Variants in NAALADL2 observed in about 807,000 individuals in gnomAD.
The protein encoded by NAALADL2 is N-acetylated alpha-linked acidic dipeptidase like 2.
A neutral mutation model predicts 87.2 loss-of-function variants in NAALADL2; 76 were observed. That is an observed-to-expected ratio of 0.87 (90% confidence interval 0.72 to 1.05). The LOEUF is 1.05. NAALADL2 is among the 50% of genes least tolerant of loss of function. NAALADL2 has a pLI of 0.00. For synonymous variants in NAALADL2, 354 were observed against 331.0 expected, an observed-to-expected ratio of 1.07 and a Z score of -0.75; for missense variants, 1,089 against 945.8, an observed-to-expected ratio of 1.15 and a Z score of -1.99.
chr3:174,510,038 G>A (rs1719497489), intron 1 of NAALADL2, among the ~76,000 whole-genome samples: 1 of 151,888 alleles, frequency 6.6e-6, no homozygotes, highest in Non-Finnish European at 1.5e-5. Context: ...TTGTTATGGG[G>A]AATTACATAA....
intron 5 of NAALADL2, among the ~76,000 whole-genome samples, chr3:175,337,840 T>C (rs1157023718): frequency 6.6e-6 from 1 of 152,204 alleles, no homozygotes; most frequent in Non-Finnish European, 1.5e-5. Flanking sequence ...CTGTAGCAAC[T>C]ATTAGATGTT....
In NAALADL2 at chr3:175,567,861, G is replaced by A. The variant is rs557913897; in HGVS notation, c.1654-8180G>A. Among the ~76,000 whole-genome samples the A allele has an allele frequency of 6.8e-4, 104 of 151,926 alleles. 1 individual carries two copies. The highest frequency in any genetic ancestry group is 1.9e-3 in the African/African-American group (78 of 41,474). On this transcript the variant is annotated intron_variant, in intron 9 of 13. Transcript: ENST00000454872. Reference sequence around the variant, plus strand: ...CTCCCGAGTAGCTGGGACTACAGGCGTGTGTCATAACACCCCGCTAATTTT... The same window carrying A: ...CTCCCGAGTAGCTGGGACTACAGGCATGTGTCATAACACCCCGCTAATTTT...
At chr3:175,483,052 C>T (rs2149324028) in intron 9 of NAALADL2, among the ~76,000 whole-genome samples, 1 of 151,998 alleles carries the variant, frequency 6.6e-6, no homozygotes. Context: ...TTCACAAATG[C>T]ACAAAATCAC....
intron 9 of NAALADL2, among the ~76,000 whole-genome samples, chr3:175,495,988 A>G (rs2149356538): frequency 6.6e-6 from 1 of 152,168 alleles, no homozygotes; most frequent in South Asian, 2.1e-4. Context: ...ATGTAACCTA[A>G]TTCATCCCTC....
At chr3:175,693,686 T>C (rs1256118776) in intron 11 of NAALADL2, among the ~76,000 whole-genome samples, 2 of 151,992 alleles carry the variant, frequency 1.3e-5, no homozygotes, top group East Asian at 3.9e-4. Flanking sequence ...ACAGATTTAG[T>C]TTTGTTTGTT....
At chr3:175,576,495 A>T (rs1718912363) in intron 10 of NAALADL2, among the ~76,000 whole-genome samples, 1 of 152,200 alleles carries the variant, frequency 6.6e-6, no homozygotes, top group East Asian at 1.9e-4. Context: ...TTTGGTATTC[A>T]CAGAAACAGA....
At chr3:175,580,998 A>C (rs1719682206) in intron 10 of NAALADL2, among the ~76,000 whole-genome samples, 1 of 152,136 alleles carries the variant, frequency 6.6e-6, no homozygotes, top group Non-Finnish European at 1.5e-5. Context: ...CAATAACTAA[A>C]TTAGTATTAC....
intron 9 of NAALADL2, among the ~76,000 whole-genome samples, chr3:175,477,126 T>C (rs991639767): frequency 6.6e-6 from 1 of 152,108 alleles, no homozygotes; most frequent in African/African-American, 2.4e-5. Flanking sequence ...AGCTGTGTTC[T>C]TGAACACTTG....
At chr3:175,797,756 AC>A (rs1037788746) in intron 13 of NAALADL2, among the ~76,000 whole-genome samples, 12 of 152,116 alleles carry the variant, frequency 7.9e-5, no homozygotes, top group African/African-American at 2.7e-4. Flanking sequence ...TAGTGACATT[AC>A]ATGGGAATTC....
chr3:175,718,127 A>C, intron 11 of NAALADL2: 1 of 1,001,606 alleles, frequency 1.0e-6, no homozygotes, highest in Non-Finnish European at 1.4e-6. Flanking sequence ...AGACGTATCT[A>C]GAAAATTTAC....
At chr3:174,713,673 T>G (rs369795017) in intron 2 of NAALADL2, among the ~76,000 whole-genome samples, 1 of 152,150 alleles carries the variant, frequency 6.6e-6, no homozygotes, top group African/African-American at 2.4e-5. Flanking sequence ...TAAATTTGTT[T>G]GAGTTCATTG....
At chr3:175,251,621 T>C (rs1309282931) in intron 3 of NAALADL2, among the ~76,000 whole-genome samples, 1 of 152,166 alleles carries the variant, frequency 6.6e-6, no homozygotes, top group Non-Finnish European at 1.5e-5. Flanking sequence ...ACAGAATAAA[T>C]GCGGAAAGAA....
At chr3:175,788,026 C>T (rs867072831) in intron 13 of NAALADL2, among the ~76,000 whole-genome samples, 1 of 151,026 alleles carries the variant, frequency 6.6e-6, no homozygotes, top group African/African-American at 2.4e-5. Flanking sequence ...AACAGAGAAA[C>T]TTCCAGTCCT....
chr3:175,126,532 A>G (rs1233476018), intron 2 of NAALADL2, among the ~76,000 whole-genome samples: 2 of 152,150 alleles, frequency 1.3e-5, no homozygotes, highest in Non-Finnish European at 2.9e-5. Context: ...GATATGTTAA[A>G]GGAAAATATA....
chr3:175,323,694 G>T lies in NAALADL2; in HGVS notation c.940-481G>T, dbSNP rs1760263115. Among the ~76,000 whole-genome samples, 4 of 151,498 alleles carry T rather than the reference G, an allele frequency of 2.6e-5. No individual in the cohort carries two copies. The South Asian group carries it at 8.3e-4, about 31-fold the overall frequency. On this transcript the variant is annotated intron_variant, in intron 4 of 13. Transcript: ENST00000454872. ...AAAGGCCAGTAGAAAAAGCTTCTGG[G>T]CTTGATAGAAATCTAAAATCTCTGC... is the stretch of plus-strand genomic sequence containing the variant.
intron 3 of NAALADL2, among the ~76,000 whole-genome samples, chr3:174,828,174 C>CACAACACAAT (rs1722212098): frequency 6.6e-6 from 1 of 151,576 alleles, no homozygotes; most frequent in Non-Finnish European, 1.5e-5. Context: ...CCACACACAA[C>CACAACACAAT]ACAACACAAC....
intron 1 of NAALADL2, among the ~76,000 whole-genome samples, chr3:175,000,183 A>G (rs1748041643): frequency 1.3e-5 from 2 of 152,180 alleles, no homozygotes; most frequent in African/African-American, 2.4e-5. Flanking sequence ...ACAAAAAGAG[A>G]AATAAGACAT....
chr3:175,523,138 C>A (rs1732897073), intron 9 of NAALADL2, among the ~76,000 whole-genome samples: 2 of 152,124 alleles, frequency 1.3e-5, no homozygotes, highest in Admixed American at 1.3e-4. Context: ...AAAATTAATT[C>A]TCTAGAGACA....
At chr3:175,188,408 G>C (rs183290596) in intron 2 of NAALADL2, among the ~76,000 whole-genome samples, 1 of 152,070 alleles carries the variant, frequency 6.6e-6, no homozygotes, top group Admixed American at 6.6e-5. Flanking sequence ...CAGATTCTTC[G>C]CAAAGCAGGG....
Sources: allele counts gnomAD v4.1 joint callset (sites outside exome capture counted in the v4.1 genomes callset), GRCh38; gene constraint gnomAD v4.1.1; transcripts MANE v1.5; gene names NCBI Gene and HGNC (gene_info 2026-07-23, HGNC 2026-07-21).